DEPTOR: variants seen among roughly 807,000 people sequenced by gnomAD.
The protein encoded by DEPTOR is DEP domain-containing mTOR-interacting protein.
Under a neutral mutation model 41.6 loss-of-function variants are expected in DEPTOR, and 41 were observed. That is an observed-to-expected ratio of 0.98 (90% CI 0.77 to 1.28). The LOEUF (loss-of-function observed/expected upper bound fraction) is 1.28, where lower values mean the gene tolerates loss of function less well. Ranked by LOEUF, DEPTOR falls within the 50% of genes most tolerant of loss-of-function variation. The pLI is 0.00. For synonymous variants in DEPTOR, 195 were observed against 192.3 expected, an observed-to-expected ratio of 1.01 and a Z score of -0.12; for missense variants, 514 against 527.9, an observed-to-expected ratio of 0.97 and a Z score of 0.26.
intron 3 of DEPTOR, among the ~76,000 whole-genome samples, chr8:119,955,489 A>T (rs778562464): frequency 2.0e-5 from 3 of 150,656 alleles, no homozygotes; most frequent in Non-Finnish European, 3.0e-5. Context: ...TTTTTGAGTC[A>T]AAGTTTCGCT....
chr8:119,933,746 G>A (rs958911755), intron 3 of DEPTOR, among the ~76,000 whole-genome samples: 12 of 152,036 alleles, frequency 7.9e-5, no homozygotes, highest in South Asian at 2.1e-4. Context: ...GGGGGTGGGC[G>A]TATTGTCAGT....
chr8:120,029,008 G>A (rs955804726), intron 8 of DEPTOR, among the ~76,000 whole-genome samples: 2 of 151,878 alleles, frequency 1.3e-5, no homozygotes, highest in Non-Finnish European at 2.9e-5. Flanking sequence ...GGGAGGCAGA[G>A]GTTGTAGTGA....
intron 8 of DEPTOR, among the ~76,000 whole-genome samples, chr8:120,016,525 T>G (rs1287557844): frequency 1.3e-5 from 2 of 152,078 alleles, no homozygotes; most frequent in Admixed American, 1.3e-4. Context: ...GGTCTCAAAC[T>G]CCTGACCTCA....
intron 3 of DEPTOR, among the ~76,000 whole-genome samples, chr8:119,964,334 G>A (rs961163410): frequency 1.3e-5 from 2 of 151,984 alleles, no homozygotes; most frequent in African/African-American, 4.8e-5. Context: ...GGACAATATG[G>A]TGAAACCCCG....
rs886611505 is a variant in DEPTOR at position 120,006,741 on chromosome 8, C to T, written c.926-64C>T. The T allele has an allele frequency of 1.5e-5, 22 of 1,425,314 alleles. No homozygotes were observed. In the African/African-American group the frequency reaches 3.0e-4, roughly 19 times the overall value. 88.3% of individuals were successfully genotyped at this position (1,425,314 alleles called of 1,614,324 possible). A position where few individuals can be genotyped will look rare whatever the true frequency, so the allele number is the denominator to read the frequency against. Reference sequence around the variant, plus strand: ...TCACCTACGAGATATCAATAAATAGCTGCTGAATGCATGGATAGAGGACTT... The same window carrying T: ...TCACCTACGAGATATCAATAAATAGTTGCTGAATGCATGGATAGAGGACTT... On this transcript the variant is annotated intron_variant, in intron 6 of 8. Transcript: ENST00000286234.
chr8:120,001,833 C>A, intron 5 of DEPTOR, 123 bp downstream of exon 5: 2 of 1,201,142 alleles, frequency 1.7e-6, no homozygotes, highest in South Asian at 2.3e-5. Context: ...TATTCATAAC[C>A]AAGAAGCATG....
chr8:119,891,529 A>G (rs544533161), intron 1 of DEPTOR, among the ~76,000 whole-genome samples: 21 of 152,288 alleles, frequency 1.4e-4, no homozygotes, highest in African/African-American at 4.3e-4. Flanking sequence ...GTTCTTTACT[A>G]CTTACAATGT....
intron 1 of DEPTOR, among the ~76,000 whole-genome samples, chr8:119,928,068 T>C (rs1827985262): frequency 6.6e-6 from 1 of 152,158 alleles, no homozygotes. Context: ...GTTTGCTGGT[T>C]GAAACAATAA....
At chr8:119,978,926 CCTT>C (rs1233442662) in intron 4 of DEPTOR, among the ~76,000 whole-genome samples, 1 of 140,158 alleles carries the variant, frequency 7.1e-6, no homozygotes, top group African/African-American at 2.6e-5. Context: ...TGGAAAAACT[CCTT>C]CTTTCTATCT....
At position 119,890,077 on chromosome 8, in the gene DEPTOR, G is replaced by T. The variant is rs1268595585; in HGVS notation, c.122+16109G>T. ...CCTCCTGGGTTCAAGTGATTCTCGT[G>T]CCTCAGCCTCCTGAGAAGCTGGGAT... On this transcript the variant is annotated intron_variant, in intron 1 of 8. Coordinates refer to ENST00000286234, the MANE Select transcript of DEPTOR (RefSeq NM_022783.4). Among the ~76,000 whole-genome samples the T allele has an allele frequency of 2.6e-5, 4 of 152,118 alleles. No homozygotes were observed. The East Asian group carries it at 7.8e-4, about 30-fold the overall frequency.
chr8:119,886,145 A>G (rs1418532089), intron 1 of DEPTOR, among the ~76,000 whole-genome samples: 1 of 152,188 alleles, frequency 6.6e-6, no homozygotes, highest in Admixed American at 6.6e-5. Context: ...AGGAGATACA[A>G]TGCCTTAAAA....
At chr8:119,927,966 T>G (rs10808505) in intron 1 of DEPTOR, among the ~76,000 whole-genome samples, 75,912 of 151,850 alleles carry the variant, frequency 0.5, 20,658 homozygotes, top group African/African-American at 0.7. Context: ...ATTAATATTT[T>G]TTATATGAAT....
chr8:119,948,770 AT>A (rs1262268129), intron 3 of DEPTOR, among the ~76,000 whole-genome samples: 1 of 151,460 alleles, frequency 6.6e-6, no homozygotes, highest in African/African-American at 2.4e-5. Flanking sequence ...ACATTTCTCT[AT>A]TTTTTTAATT....
intron 1 of DEPTOR, among the ~76,000 whole-genome samples, chr8:119,876,857 T>C (rs1411928685): frequency 1.3e-5 from 2 of 152,220 alleles, no homozygotes; most frequent in African/African-American, 4.8e-5. Context: ...GATGAATGTA[T>C]TTCATGGAGT....
chr8:119,931,671 A>T (rs116691564), intron 3 of DEPTOR, among the ~76,000 whole-genome samples: 2 of 152,270 alleles, frequency 1.3e-5, no homozygotes, highest in East Asian at 3.9e-4. Flanking sequence ...CTTGCTTTCT[A>T]TACTGAAATG....
intron 6 of DEPTOR, 97 bp downstream of exon 6, chr8:120,003,208 G>C: frequency 6.5e-7 from 1 of 1,538,698 alleles, no homozygotes; most frequent in Non-Finnish European, 8.7e-7. Context: ...TAGTGTGTGG[G>C]TTCTAATAAG....
At chr8:120,025,685 T>G (rs1323929526) in intron 8 of DEPTOR, among the ~76,000 whole-genome samples, 1 of 152,140 alleles carries the variant, frequency 6.6e-6, no homozygotes, top group Non-Finnish European at 1.5e-5. Context: ...AGAATGCTTC[T>G]CGAATGCATC....
Position 120,049,641 on chromosome 8 carries a change from C to T in DEPTOR, c.1167C>T (p.Ser389=). ...NVLHVDYRTV[S]NLILTGPRTI... Reference sequence around the variant, plus strand: ...TGCATGTAGACTACCGGACCGTGAGCAATCTGATTCTGACGGGCCCACGGA... The same window carrying T: ...TGCATGTAGACTACCGGACCGTGAGTAATCTGATTCTGACGGGCCCACGGA... Residue 389 remains serine, a synonymous_variant, in exon 9 of 9, where the codon AGC becomes AGT. Transcript: ENST00000286234. The T allele has an allele frequency of 6.2e-7, 1 of 1,613,980 alleles. No homozygotes were observed. Among genetic ancestry groups the T allele is most frequent in the Non-Finnish European group, 8.5e-7 (1 of 1,179,924 alleles).
At chr8:120,012,071 G>GA (rs1345392770) in intron 8 of DEPTOR, among the ~76,000 whole-genome samples, 39 of 150,422 alleles carry the variant, frequency 2.6e-4, no homozygotes, top group Admixed American at 1.8e-3. Flanking sequence ...CTGGCAGGAG[G>GA]AAAAAAAAAC....
Sources: allele counts gnomAD v4.1 joint callset (sites outside exome capture counted in the v4.1 genomes callset), GRCh38; gene constraint gnomAD v4.1.1; transcripts MANE v1.5; gene names NCBI Gene and HGNC (gene_info 2026-07-23, HGNC 2026-07-21).